The following NTM variants were observed in gnomAD, a reference collection of about 807,000 sequenced individuals.
NTM encodes the protein neurotrimin.
NTM carries 13 observed loss-of-function variants against 42.1 expected under a neutral mutation model. That is an observed-to-expected ratio of 0.31 (90% CI 0.20 to 0.49). The LOEUF is 0.49. Among genes scored for constraint, NTM ranks in the 20% least tolerant of loss-of-function variants. The pLI, the probability that NTM is intolerant of heterozygous loss-of-function variation, is 0.99. For synonymous variants in NTM, 187 were observed against 179.2 expected, an observed-to-expected ratio of 1.04 and a Z score of -0.35; for missense variants, 373 against 452.8, an observed-to-expected ratio of 0.82 and a Z score of 1.60.
At chr11:131,389,598 G>A (rs1943759539) in intron 1 of NTM, among the ~76,000 whole-genome samples, 1 of 152,196 alleles carries the variant, frequency 6.6e-6, no homozygotes, top group Non-Finnish European at 1.5e-5. Context: ...AGCTTGTGTT[G>A]ATGTAAATGA....
chr11:131,727,647 C>T (rs1012407797), intron 1 of NTM, among the ~76,000 whole-genome samples: 1 of 152,144 alleles, frequency 6.6e-6, no homozygotes. Context: ...CAACAGTCTT[C>T]AAGACAGACT....
intron 1 of NTM, among the ~76,000 whole-genome samples, chr11:131,699,783 A>G (rs1565442377): frequency 1.3e-5 from 2 of 152,126 alleles, no homozygotes; most frequent in African/African-American, 4.8e-5. Context: ...CATGAAGGTA[A>G]CCACCCCCAT....
intron 1 of NTM, among the ~76,000 whole-genome samples, chr11:131,774,425 C>T (rs1472798348): frequency 6.6e-6 from 1 of 152,182 alleles, no homozygotes; most frequent in African/African-American, 2.4e-5. Context: ...TCAAAAGTCC[C>T]TTTGCCATAA....
intron 1 of NTM, among the ~76,000 whole-genome samples, chr11:131,745,253 ATGCC>A (rs1379869000): frequency 6.6e-6 from 1 of 152,176 alleles, no homozygotes; most frequent in Non-Finnish European, 1.5e-5. Context: ...AGAGAACAGA[ATGCC>A]TGTCCCCTAC....
intron 1 of NTM, among the ~76,000 whole-genome samples, chr11:131,649,223 G>T (rs758920019): frequency 1.1e-4 from 17 of 152,204 alleles, no homozygotes; most frequent in Non-Finnish European, 2.4e-4. Context: ...CACTGTGCGT[G>T]GCACCCATGA....
intron 1 of NTM, among the ~76,000 whole-genome samples, chr11:131,475,447 T>C (rs1952830513): frequency 6.6e-6 from 1 of 152,082 alleles, no homozygotes; most frequent in Non-Finnish European, 1.5e-5. Flanking sequence ...AGGGTGTACC[T>C]GTCCCTCTCG....
intron 1 of NTM, among the ~76,000 whole-genome samples, chr11:131,373,287 GA>G (rs2135470009): frequency 6.6e-6 from 1 of 152,326 alleles, no homozygotes; most frequent in Admixed American, 6.5e-5. Flanking sequence ...GGACTAGTTA[GA>G]ATGCAGCACA....
At chr11:132,239,538 A>G (rs2089771317) in intron 4 of NTM, among the ~76,000 whole-genome samples, 1 of 152,198 alleles carries the variant, frequency 6.6e-6, no homozygotes, top group Non-Finnish European at 1.5e-5. Flanking sequence ...CACCACCATC[A>G]TTGCATTTTA....
At chr11:131,642,100 A>G (rs527747652) in intron 1 of NTM, among the ~76,000 whole-genome samples, 2 of 152,326 alleles carry the variant, frequency 1.3e-5, no homozygotes, top group East Asian at 3.9e-4. Context: ...GGAGATACTC[A>G]CTAAAATTCT....
intron 2 of NTM, among the ~76,000 whole-genome samples, chr11:132,111,600 C>A (rs1254772140): frequency 6.6e-6 from 1 of 152,170 alleles, no homozygotes; most frequent in Non-Finnish European, 1.5e-5. Flanking sequence ...CTCAGTGTCA[C>A]AGTATGCCCT....
intron 1 of NTM, chr11:131,546,616 T>A (rs1451166717): frequency 6.6e-6 from 1 of 152,226 alleles, no homozygotes; most frequent in Non-Finnish European, 1.5e-5. Flanking sequence ...CCATTTGACT[T>A]CACCTTGTTC....
At chr11:131,707,477 A>G (rs1197257972) in intron 1 of NTM, among the ~76,000 whole-genome samples, 1 of 152,136 alleles carries the variant, frequency 6.6e-6, no homozygotes, top group Admixed American at 6.5e-5. Context: ...TATCTCTTCA[A>G]TATACCAATG....
At chr11:131,814,898 C>T (rs530988821) in intron 1 of NTM, among the ~76,000 whole-genome samples, 6 of 152,312 alleles carry the variant, frequency 3.9e-5, no homozygotes, top group African/African-American at 1.2e-4. Flanking sequence ...ACTCTGACAA[C>T]CCAGCTTCCT....
intron 2 of NTM, among the ~76,000 whole-genome samples, chr11:132,056,554 A>C (rs1281816233): frequency 1.3e-5 from 2 of 152,238 alleles, no homozygotes; most frequent in Admixed American, 1.3e-4. Flanking sequence ...TGAGGCAATG[A>C]ATACATGAAT....
chr11:131,926,238 G>C (rs151185843), intron 2 of NTM, among the ~76,000 whole-genome samples: 6 of 152,288 alleles, frequency 3.9e-5, no homozygotes, highest in Non-Finnish European at 8.8e-5. Context: ...GCATTATTTT[G>C]TTACCTTCTT....
At chr11:131,569,099 A>C (rs2057186451) in intron 1 of NTM, among the ~76,000 whole-genome samples, 1 of 151,940 alleles carries the variant, frequency 6.6e-6, no homozygotes, top group African/African-American at 2.4e-5. Flanking sequence ...AGTCCTAGGC[A>C]ACCCCTAATC....
At chr11:131,671,639 G>T in intron 1 of NTM, 7 of 979,930 alleles carry the variant, frequency 7.1e-6, no homozygotes, top group Non-Finnish European at 8.5e-6. Flanking sequence ...TCAGAGCCCT[G>T]TGAGAACCAC....
intron 7 of NTM, chr11:132,314,950 A>AGTACATGTATAAAAGTAGATCTCAGAAGT (rs1371274596): frequency 2.5e-6 from 3 of 1,211,162 alleles, no homozygotes; most frequent in Non-Finnish European, 3.1e-6. Flanking sequence ...GTATATGTAT[A>AGTACATGTATAAAAGTAGATCTCAGAAGT]GTACATGTAT....
intron 1 of NTM, among the ~76,000 whole-genome samples, chr11:131,686,055 G>C (rs1415382534): frequency 6.6e-6 from 1 of 152,134 alleles, no homozygotes; most frequent in Admixed American, 6.5e-5. Context: ...AAACAGACAG[G>C]GGCTGATGAG....
Sources: gnomAD v4.1 joint callset for allele counts (sites outside exome capture counted in the v4.1 genomes callset) on GRCh38, gnomAD v4.1.1 for gene constraint, MANE v1.5 for transcripts, NCBI Gene and HGNC (gene_info 2026-07-23, HGNC 2026-07-21) for gene names.